The following ATF7IP2 variants were observed in gnomAD, a reference collection of about 807,000 sequenced individuals.
ATF7IP2 encodes activating transcription factor 7-interacting protein 2.
A neutral mutation model predicts 64.2 loss-of-function variants in ATF7IP2; 42 were observed. The ratio of observed to expected loss-of-function variants is 0.65; its 90% CI spans 0.51 to 0.85. The LOEUF is 0.85. ATF7IP2 is among the 40% of genes least tolerant of loss of function. The pLI is 0.00. For synonymous variants in ATF7IP2, 308 were observed against 272.8 expected (o/e 1.13, Z -1.27); for missense variants, 933 against 784.2 (o/e 1.19, Z -2.27).
intron 6 of ATF7IP2, among the ~76,000 whole-genome samples, chr16:10,436,337 G>A (rs1189570216): frequency 6.6e-6 from 1 of 152,062 alleles, no homozygotes; most frequent in Non-Finnish European, 1.5e-5. Context: ...ACTGCAGCCT[G>A]AGCAACAGAG....
At position 10,482,439 on chromosome 16, in the gene ATF7IP2, C is replaced by T. The variant is rs889915412; in HGVS notation, c.*190C>T. On this transcript the variant is annotated 3_prime_UTR_variant, in exon 14 of 14. Transcript: ENST00000562102. Reference sequence around the variant, plus strand: ...CTGGTTTGTATTAAATATGTCCTTCCAATGGATAAGTTCTAAAACATACGC... The same window carrying T: ...CTGGTTTGTATTAAATATGTCCTTCTAATGGATAAGTTCTAAAACATACGC... The T allele has an allele frequency of 4.0e-6, 2 of 504,558 alleles. No individual in the cohort carries two copies. Among genetic ancestry groups the T allele is most frequent in the South Asian group, 5.6e-5 (2 of 35,602 alleles). 31.3% of individuals were successfully genotyped at this position (504,558 alleles called of 1,614,324 possible).
chr16:10,446,371 C>T (rs1226142821), intron 8 of ATF7IP2: 3 of 152,310 alleles, frequency 2.0e-5, no homozygotes, highest in Middle Eastern at 6.8e-3. Flanking sequence ...ACCTTCCTGC[C>T]TTTTGATTTA....
chr16:10,396,120 G>A (rs1236369305), intron 1 of ATF7IP2, among the ~76,000 whole-genome samples: 2 of 152,048 alleles, frequency 1.3e-5, no homozygotes, highest in Non-Finnish European at 2.9e-5. Context: ...CTTGCAAAGA[G>A]GAATCCAAAA....
At chr16:10,411,974 C>A (rs1596459409) in intron 1 of ATF7IP2, among the ~76,000 whole-genome samples, 15 of 84,602 alleles carry the variant, frequency 1.8e-4, no homozygotes, top group South Asian at 7.4e-4. Flanking sequence ...TTAACCTTTT[C>A]AAAGACCCAG....
At chr16:10,440,914 C>A (rs1478047633) in intron 8 of ATF7IP2, among the ~76,000 whole-genome samples, 1 of 152,100 alleles carries the variant, frequency 6.6e-6, no homozygotes, top group Admixed American at 6.6e-5. Flanking sequence ...TCCCCACCCC[C>A]TGACAGGCCC....
chr16:10,453,642 A>G (rs1468554729), intron 8 of ATF7IP2, among the ~76,000 whole-genome samples: 1 of 152,052 alleles, frequency 6.6e-6, no homozygotes, highest in Non-Finnish European at 1.5e-5. Flanking sequence ...TTTGAGATGG[A>G]GTTTCAGTCT....
At chr16:10,442,788 T>C (rs2141941166) in intron 8 of ATF7IP2, among the ~76,000 whole-genome samples, 1 of 152,344 alleles carries the variant, frequency 6.6e-6, no homozygotes, top group Non-Finnish European at 1.5e-5. Context: ...TTGGCCCTAA[T>C]TGCTCAGCTG....
At chr16:10,445,152 C>T (rs747868164) in intron 8 of ATF7IP2, among the ~76,000 whole-genome samples, 7 of 152,192 alleles carry the variant, frequency 4.6e-5, no homozygotes, top group Non-Finnish European at 7.3e-5. Flanking sequence ...CTGAGAACTG[C>T]ATCACACATA....
intron 8 of ATF7IP2, among the ~76,000 whole-genome samples, chr16:10,444,999 G>C (rs560476220): frequency 6.6e-6 from 1 of 152,292 alleles, no homozygotes; most frequent in East Asian, 1.9e-4. Context: ...TAATCAGTTT[G>C]GACACTATGG....
chr16:10,468,895 G>T (rs73497896), intron 9 of ATF7IP2, among the ~76,000 whole-genome samples: 2 of 152,028 alleles, frequency 1.3e-5, no homozygotes, highest in Non-Finnish European at 1.5e-5. Flanking sequence ...TAACAGGTAG[G>T]GTCCACAGAT....
chr16:10,434,911 G>A (rs377330753), intron 6 of ATF7IP2, among the ~76,000 whole-genome samples: 12 of 152,130 alleles, frequency 7.9e-5, no homozygotes, highest in African/African-American at 2.7e-4. Flanking sequence ...GACTACAGGT[G>A]TGCACTAGCA....
intron 8 of ATF7IP2, among the ~76,000 whole-genome samples, chr16:10,441,637 G>T (rs1302384310): frequency 1.3e-5 from 2 of 152,118 alleles, no homozygotes; most frequent in African/African-American, 4.8e-5. Context: ...ATAGATTCTG[G>T]ACATTAGCCC....
At chr16:10,401,361 G>T (rs535003541) in intron 1 of ATF7IP2, among the ~76,000 whole-genome samples, 1 of 151,970 alleles carries the variant, frequency 6.6e-6, no homozygotes, top group East Asian at 1.9e-4. Flanking sequence ...GTAAAGACAG[G>T]GTTTCACCAT....
At chr16:10,437,486 A>G (rs1480319837) in intron 6 of ATF7IP2, among the ~76,000 whole-genome samples, 7 of 152,180 alleles carry the variant, frequency 4.6e-5, no homozygotes, top group East Asian at 1.9e-4. Context: ...TTTTTATTTT[A>G]TGGTGCTCTT....
intron 1 of ATF7IP2, chr16:10,386,624 A>C (rs2047209318): frequency 6.6e-6 from 1 of 152,184 alleles, no homozygotes; most frequent in Non-Finnish European, 1.5e-5. Context: ...AAGTTTGTTA[A>C]AAAGTAGGGA....
chr16:10,462,787 C>T (rs1020735656), intron 9 of ATF7IP2, among the ~76,000 whole-genome samples: 4 of 152,056 alleles, frequency 2.6e-5, no homozygotes, highest in Admixed American at 2.0e-4. Flanking sequence ...TCAGATATTG[C>T]TTCTGGAGCA....
At chr16:10,475,963 T>A (rs913039290) in intron 12 of ATF7IP2, among the ~76,000 whole-genome samples, 1 of 152,216 alleles carries the variant, frequency 6.6e-6, no homozygotes, top group African/African-American at 2.4e-5. Context: ...TTGTCTCTTA[T>A]TATCATAAAG....
At chr16:10,470,263 T>C (rs866195650) in intron 9 of ATF7IP2, among the ~76,000 whole-genome samples, 25 of 152,168 alleles carry the variant, frequency 1.6e-4, no homozygotes, top group African/African-American at 5.1e-4. Flanking sequence ...AATTGGAATT[T>C]GAAATTTAAA....
At chr16:10,405,435 G>C (rs1185999477) in intron 1 of ATF7IP2, among the ~76,000 whole-genome samples, 1 of 152,082 alleles carries the variant, frequency 6.6e-6, no homozygotes, top group Non-Finnish European at 1.5e-5. Flanking sequence ...CAAGGTGGCT[G>C]AATGGAAACT....
Sources: allele counts gnomAD v4.1 joint callset (sites outside exome capture counted in the v4.1 genomes callset), GRCh38; gene constraint gnomAD v4.1.1; transcripts MANE v1.5; gene names NCBI Gene and HGNC (gene_info 2026-07-23, HGNC 2026-07-21).